Variants in SLC35F3 observed in about 807,000 individuals in gnomAD.
SLC35F3 encodes the protein solute carrier family 35 member F3.
In SLC35F3, 25 loss-of-function variants were observed where a neutral mutation model predicts 49.9. The ratio of observed to expected loss-of-function variants is 0.50; its 90% confidence interval spans 0.37 to 0.70. The LOEUF (loss-of-function observed/expected upper bound fraction) is 0.70, where lower values mean the gene tolerates loss of function less well. Ranked by LOEUF, SLC35F3 falls within the 30% of genes least tolerant of loss-of-function variation. The pLI, the probability that SLC35F3 is intolerant of heterozygous loss-of-function variation, is 0.00. For synonymous variants in SLC35F3, 275 were observed against 265.4 expected (o/e 1.04, Z -0.35); for missense variants, 525 against 639.8 (o/e 0.82, Z 1.94).
intron 2 of SLC35F3, among the ~76,000 whole-genome samples, chr1:234,228,134 T>G (rs1667316405): frequency 6.6e-6 from 1 of 152,220 alleles, no homozygotes; most frequent in Non-Finnish European, 1.5e-5. Context: ...TCCTGTGGCA[T>G]GTCTAACCAA....
intron 2 of SLC35F3, among the ~76,000 whole-genome samples, chr1:234,105,330 A>T (rs1372719583): frequency 2.0e-5 from 3 of 152,168 alleles, no homozygotes; most frequent in Non-Finnish European, 4.4e-5. Context: ...AGCTGCTCCC[A>T]AGAAGTGAGA....
chr1:233,936,912 G>A (rs1402684624), intron 2 of SLC35F3, among the ~76,000 whole-genome samples: 1 of 152,094 alleles, frequency 6.6e-6, no homozygotes, highest in Non-Finnish European at 1.5e-5. Context: ...GGCTGGTCTC[G>A]AACTCCTGAA....
chr1:233,912,338 C>T (rs554597224), intron 2 of SLC35F3, among the ~76,000 whole-genome samples: 57 of 152,088 alleles, frequency 3.7e-4, no homozygotes, highest in Non-Finnish European at 6.9e-4. Context: ...ATTAGACCGG[C>T]ATGGTGGTGG....
At position 234,070,715 on chromosome 1, in the gene SLC35F3, T is replaced by C. The variant is rs541991584; in HGVS notation, c.284-160702T>C. Among the ~76,000 whole-genome samples the C allele has an allele frequency of 1.2e-4, 18 of 151,964 alleles. No individual in the cohort carries two copies. The South Asian group carries it at 3.7e-3, about 32-fold the overall frequency. On this transcript the variant is annotated intron_variant, in intron 2 of 7. Transcript: ENST00000366618. ...CAATTCATATTAGTTAACATCTTTT[T>C]CTGTTTTTCCATATTTTAAGAATTT...
rs745642600 is a variant in SLC35F3, at chr1:234,318,778, G to A, written c.982G>A (p.Ala328Thr). The change falls in exon 6 of 8, where the codon GCT (alanine) becomes ACT (threonine). Residue 328 changes from alanine (A) to threonine (T), a missense_variant. Ala to Thr is a moderately conservative substitution (Grantham distance 58, BLOSUM62 0). Around this residue, in one of 4 missense-constraint regions of SLC35F3, gnomAD observed 216 missense variants for 298.1 expected, o/e 0.72. Transcript: ENST00000366618. Reference sequence around the variant, plus strand: ...TTTGTTCAAGCTCCTCCTGGGCAGTGCTAAGTTTGGAGAAGCCGCCTTATT... The same window carrying A: ...TTTGTTCAAGCTCCTCCTGGGCAGTACTAAGTTTGGAGAAGCCGCCTTATT... ...KVLFKLLLGS[A>T]KFGEAALFLS... 1 of 1,614,158 alleles carries A rather than the reference G, an allele frequency of 6.2e-7. No individual in the cohort carries two copies. The highest frequency in any genetic ancestry group is 8.5e-7 in the Non-Finnish European group (1 of 1,180,008).
At chr1:233,933,924 G>T (rs1479494538) in intron 2 of SLC35F3, among the ~76,000 whole-genome samples, 1 of 152,148 alleles carries the variant, frequency 6.6e-6, no homozygotes, top group Non-Finnish European at 1.5e-5. Context: ...GCAGAGGAGG[G>T]ACTCTTACTT....
intron 2 of SLC35F3, among the ~76,000 whole-genome samples, chr1:233,915,026 G>T (rs2102784381): frequency 6.6e-6 from 1 of 152,324 alleles, no homozygotes; most frequent in Non-Finnish European, 1.5e-5. Flanking sequence ...CTCCTCAGGT[G>T]ATTTGCAGTG....
intron 2 of SLC35F3, among the ~76,000 whole-genome samples, chr1:234,134,315 TACAA>T (rs1281666052): frequency 6.7e-6 from 1 of 148,768 alleles, no homozygotes; most frequent in African/African-American, 2.4e-5. Context: ...CAATTATATA[TACAA>T]ACAAATTATA....
intron 2 of SLC35F3, among the ~76,000 whole-genome samples, chr1:234,208,293 A>T (rs1667003279): frequency 1.3e-5 from 2 of 152,230 alleles, no homozygotes; most frequent in African/African-American, 4.8e-5. Flanking sequence ...ATAGATATTT[A>T]CATACCCCTG....
At chr1:234,079,184 G>A (rs1055790727) in intron 2 of SLC35F3, among the ~76,000 whole-genome samples, 3 of 152,158 alleles carry the variant, frequency 2.0e-5, no homozygotes, top group East Asian at 1.9e-4. Flanking sequence ...TAAATAATCA[G>A]TTGATTTTCA....
intron 2 of SLC35F3, among the ~76,000 whole-genome samples, chr1:234,029,012 G>A (rs1015393464): frequency 6.6e-6 from 1 of 152,184 alleles, no homozygotes; most frequent in African/African-American, 2.4e-5. Flanking sequence ...AATATTGGAA[G>A]CATCTTACTT....
intron 2 of SLC35F3, among the ~76,000 whole-genome samples, chr1:234,042,079 G>A (rs761612241): frequency 2.6e-5 from 4 of 152,248 alleles, no homozygotes; most frequent in South Asian, 4.1e-4. Flanking sequence ...CTTCCCTGAC[G>A]TCAAGTTGCC....
rs566884420 is a variant in SLC35F3, at chr1:234,267,222, A to G, written c.608+35481A>G. Among the ~76,000 whole-genome samples the G allele has an allele frequency of 3.7e-3, 451 of 123,258 alleles. 2 individuals are homozygous for G. The highest frequency in any genetic ancestry group is 0.014 in the African/African-American group (424 of 30,514). The allele number at this position is 123,258 out of a possible 152,430, so 80.9% of individuals were successfully genotyped here. On this transcript the variant is annotated intron_variant, in intron 3 of 7. Transcript: ENST00000366618. ...AAGGTCACAGATCAACAGGATCCCA[A>G]GGCAGAAGAATTTTTCTTAGTACAG...
chr1:234,056,592 A>T (rs1664460324), intron 2 of SLC35F3, among the ~76,000 whole-genome samples: 1 of 152,178 alleles, frequency 6.6e-6, no homozygotes, highest in South Asian at 2.1e-4. Context: ...TATTCTGGAC[A>T]TTTCATGTAA....
chr1:234,018,377 T>G (rs1268436878), intron 2 of SLC35F3, among the ~76,000 whole-genome samples: 2 of 152,200 alleles, frequency 1.3e-5, no homozygotes, highest in East Asian at 3.9e-4. Context: ...CTCTGAGGAA[T>G]GTACAGCCAG....
chr1:234,276,037 C>A (rs536279725), intron 3 of SLC35F3, among the ~76,000 whole-genome samples: 71 of 152,230 alleles, frequency 4.7e-4, no homozygotes, highest in African/African-American at 1.5e-3. Flanking sequence ...CCAGAGCCCA[C>A]ACTCTTCATC....
chr1:234,116,011 A>T (rs1665481405), intron 2 of SLC35F3, among the ~76,000 whole-genome samples: 1 of 152,212 alleles, frequency 6.6e-6, no homozygotes, highest in Non-Finnish European at 1.5e-5. Flanking sequence ...GATGGTAGAT[A>T]AAAGGGGCAA....
intron 2 of SLC35F3, among the ~76,000 whole-genome samples, chr1:234,014,686 T>C (rs563361406): frequency 3.9e-5 from 6 of 152,112 alleles, no homozygotes; most frequent in African/African-American, 1.4e-4. Context: ...ATACTAACAA[T>C]GAACTATCTG....
At chr1:234,122,136 T>C (rs1434610400) in intron 2 of SLC35F3, among the ~76,000 whole-genome samples, 2 of 152,192 alleles carry the variant, frequency 1.3e-5, no homozygotes, top group African/African-American at 4.8e-5. Context: ...CCTTGAGGAA[T>C]TGCCACACTG....
Sources: gnomAD v4.1 joint callset for allele counts (sites outside exome capture counted in the v4.1 genomes callset) on GRCh38, gnomAD v4.1.1 for gene constraint, gnomAD v4.1.1 regional missense constraint, MANE v1.5 for transcripts, NCBI Gene and HGNC (gene_info 2026-07-23, HGNC 2026-07-21) for gene names.